MIPOL1: variants seen among roughly 807,000 people sequenced by gnomAD.
MIPOL1 encodes the protein mirror-image polydactyly 1.
A neutral mutation model predicts 60.9 loss-of-function variants in MIPOL1; 57 were observed. That is an observed-to-expected ratio of 0.94 (90% CI 0.76 to 1.17). MIPOL1 has a LOEUF of 1.17. MIPOL1 is among the 50% of genes most tolerant of loss of function. The pLI is 0.00. For synonymous variants in MIPOL1, 179 were observed against 168.8 expected, an observed-to-expected ratio of 1.06 and a Z score of -0.47; for missense variants, 551 against 511.6, an observed-to-expected ratio of 1.08 and a Z score of -0.74.
intron 10 of MIPOL1, among the ~76,000 whole-genome samples, chr14:37,379,375 A>C (rs549249280): frequency 2.0e-5 from 3 of 152,110 alleles, no homozygotes; most frequent in Admixed American, 2.0e-4. Context: ...AAGAAAAAAC[A>C]TAACTGCAAA....
intron 1 of MIPOL1, among the ~76,000 whole-genome samples, chr14:37,205,536 T>C (rs1965943578): frequency 6.6e-6 from 1 of 151,870 alleles, no homozygotes; most frequent in African/African-American, 2.4e-5. Flanking sequence ...GATACATAGG[T>C]ATATACATGT....
chr14:37,523,869 G>T (rs1314211086), intron 12 of MIPOL1, among the ~76,000 whole-genome samples: 1 of 152,198 alleles, frequency 6.6e-6, no homozygotes, highest in Non-Finnish European at 1.5e-5. Context: ...ATTAAGATTT[G>T]TGGTAAGGGA....
intron 1 of MIPOL1, among the ~76,000 whole-genome samples, chr14:37,199,987 A>G (rs566059123): frequency 1.7e-4 from 26 of 152,272 alleles, no homozygotes; most frequent in African/African-American, 6.3e-4. Context: ...TGCTTGCAAC[A>G]TTTCACACTG....
intron 7 of MIPOL1, among the ~76,000 whole-genome samples, chr14:37,306,357 G>A (rs1248700666): frequency 6.6e-6 from 1 of 151,782 alleles, no homozygotes; most frequent in African/African-American, 2.4e-5. Context: ...TAAAAATAGA[G>A]ATTTATAACC....
intron 1 of MIPOL1, among the ~76,000 whole-genome samples, chr14:37,202,479 T>C (rs1965496090): frequency 6.6e-6 from 1 of 152,130 alleles, no homozygotes; most frequent in South Asian, 2.1e-4. Flanking sequence ...TGTGTTCATA[T>C]GCGTGTTTTT....
chr14:37,435,453 T>A lies in MIPOL1; in HGVS notation c.1031+12504T>A, dbSNP rs1377526289. ...ATTTGTTACCCTCCTTTATTATTAT[T>A]TTTTTTCATAATAGACATGCTTACA... On this transcript the variant is annotated intron_variant, in intron 11 of 12. Coordinates refer to ENST00000684589, the MANE Select transcript of MIPOL1 (RefSeq NM_001388067.1). 2.6e-5 allele frequency among the ~76,000 whole-genome samples: 4 copies of A among 152,104 alleles called. No homozygotes were observed. In the East Asian group the frequency reaches 7.7e-4, roughly 29 times the overall value.
intron 7 of MIPOL1, among the ~76,000 whole-genome samples, chr14:37,298,633 C>T (rs148178402): frequency 0.015 from 2,293 of 152,198 alleles, 54 homozygotes; most frequent in African/African-American, 0.052. Context: ...AAAAAGTGGG[C>T]GAAGGATCCG....
At chr14:37,501,014 C>T (rs1055050554) in intron 12 of MIPOL1, among the ~76,000 whole-genome samples, 4 of 152,174 alleles carry the variant, frequency 2.6e-5, no homozygotes, top group African/African-American at 9.7e-5. Flanking sequence ...CCCACTACTT[C>T]TTATTTGAAA....
chr14:37,300,702 A>T (rs189792517), intron 7 of MIPOL1, among the ~76,000 whole-genome samples: 2,358 of 15,670 alleles, frequency 0.15, 1,171 homozygotes, highest in South Asian at 0.94. Context: ...TTAGAAATAG[A>T]GTCTCACTAT....
intron 5 of MIPOL1, among the ~76,000 whole-genome samples, chr14:37,269,108 G>A (rs2083094418): frequency 6.6e-6 from 1 of 151,952 alleles, no homozygotes; most frequent in African/African-American, 2.4e-5. Flanking sequence ...TATAGAGAAT[G>A]GGAGATAGAA....
intron 1 of MIPOL1, among the ~76,000 whole-genome samples, chr14:37,216,210 G>A (rs1027719199): frequency 3.3e-5 from 5 of 152,202 alleles, no homozygotes; most frequent in African/African-American, 4.8e-5. Flanking sequence ...TAATGAAAAA[G>A]GGGTCAATTC....
At chr14:37,453,259 T>C (rs138327703) in intron 11 of MIPOL1, among the ~76,000 whole-genome samples, 257 of 152,240 alleles carry the variant, frequency 1.7e-3, no homozygotes, top group African/African-American at 5.9e-3. Context: ...GTGAGATAAT[T>C]AGTAGCATGA....
intron 9 of MIPOL1, among the ~76,000 whole-genome samples, chr14:37,341,681 G>A (rs904102174): frequency 4.6e-5 from 7 of 152,262 alleles, no homozygotes; most frequent in South Asian, 2.1e-4. Flanking sequence ...CTGGCCTCAC[G>A]TGATCCCTCC....
intron 9 of MIPOL1, among the ~76,000 whole-genome samples, chr14:37,351,051 C>T (rs2091318744): frequency 7.1e-5 from 2 of 27,974 alleles, no homozygotes; most frequent in African/African-American, 3.4e-4. Context: ...AATGCTATCC[C>T]TCCCCCCTCC....
chr14:37,455,028 A>G (rs1324642797), intron 11 of MIPOL1, among the ~76,000 whole-genome samples: 2 of 152,098 alleles, frequency 1.3e-5, no homozygotes, highest in Non-Finnish European at 2.9e-5. Flanking sequence ...CTGTATGCTG[A>G]TGACTCCCAA....
chr14:37,379,233 T>C (rs1355116212), intron 10 of MIPOL1, among the ~76,000 whole-genome samples: 1 of 152,098 alleles, frequency 6.6e-6, no homozygotes, highest in Non-Finnish European at 1.5e-5. Flanking sequence ...TTTCAACAAA[T>C]GGTCTCAAGA....
chr14:37,371,004 T>C (rs1256038380), intron 10 of MIPOL1, among the ~76,000 whole-genome samples: 2 of 152,164 alleles, frequency 1.3e-5, no homozygotes, highest in African/African-American at 4.8e-5. Flanking sequence ...AAATTCTAGT[T>C]TGTTAAGTAT....
At chr14:37,390,141 C>T (rs956819488) in intron 10 of MIPOL1, among the ~76,000 whole-genome samples, 1 of 151,956 alleles carries the variant, frequency 6.6e-6, no homozygotes, top group African/African-American at 2.4e-5. Flanking sequence ...ATCACTTGAA[C>T]CTAGGAGGTG....
At chr14:37,390,531 A>G (rs1255138147) in intron 10 of MIPOL1, among the ~76,000 whole-genome samples, 1 of 152,074 alleles carries the variant, frequency 6.6e-6, no homozygotes, top group Non-Finnish European at 1.5e-5. Context: ...CTATAATGAA[A>G]ATATTCAAAA....
Sources: gnomAD v4.1 joint callset for allele counts (sites outside exome capture counted in the v4.1 genomes callset) on GRCh38, gnomAD v4.1.1 for gene constraint, MANE v1.5 for transcripts, NCBI Gene and HGNC (gene_info 2026-07-23, HGNC 2026-07-21) for gene names.